Variants in ITPR2 observed in about 807,000 individuals in gnomAD.
ITPR2 encodes the protein inositol 1,4,5-trisphosphate-gated calcium channel ITPR2.
ITPR2 carries 207 observed loss-of-function variants against 317.1 expected under a neutral mutation model. The observed-to-expected ratio is 0.65, with a 90% CI of 0.58 to 0.73. The LOEUF is 0.73. Among genes scored for constraint, ITPR2 ranks in the 30% least tolerant of loss-of-function variants. ITPR2 has a pLI of 0.00. For missense variants in ITPR2, 2,613 were observed against 3,284.0 expected, an observed-to-expected ratio of 0.80 and a Z score of 4.99; for synonymous variants, 1,156 against 1,149.1, an observed-to-expected ratio of 1.01 and a Z score of -0.12.
chr12:26,695,585 A>G, intron 10 of ITPR2, 21 bp downstream of exon 10: 1 of 1,597,730 alleles, frequency 6.3e-7, no homozygotes, highest in Admixed American at 1.7e-5. Flanking sequence ...GATTTGTTGG[A>G]GAAAAGCCAG....
chr12:26,800,566 G>A (rs1950539388), intron 1 of ITPR2, among the ~76,000 whole-genome samples: 1 of 152,222 alleles, frequency 6.6e-6, no homozygotes, highest in African/African-American at 2.4e-5. Flanking sequence ...AGTCTGAGTT[G>A]AGCCTGGGCA....
chr12:26,656,524 C>T lies in ITPR2; in HGVS notation c.2217G>A (p.Arg739=). The change falls in exon 19 of 57, where the codon AGG becomes AGA. Residue 739 remains arginine (R), a synonymous_variant. Coordinates refer to ENST00000381340, the MANE Select transcript of ITPR2 (RefSeq NM_002223.4). Reference sequence around the variant, plus strand: ...CCAGATACTGGCGATCCAAGCACATCCTTGCAAAGAGGTTTAGCTGGTACC... The same window carrying T: ...CCAGATACTGGCGATCCAAGCACATTCTTGCAAAGAGGTTTAGCTGGTACC... ...YYRYQLNLFA[R]MCLDRQYLAI... is the part of the protein sequence containing the mutation. 6.2e-7 allele frequency: 1 copy of T among 1,614,162 alleles called. No homozygotes were observed. Among genetic ancestry groups the T allele is most frequent in the Non-Finnish European group, 8.5e-7 (1 of 1,180,030 alleles).
chr12:26,437,878 T>C (rs1022090631), intron 47 of ITPR2, among the ~76,000 whole-genome samples: 21 of 152,312 alleles, frequency 1.4e-4, no homozygotes, highest in African/African-American at 4.8e-4. Flanking sequence ...CTCGGCTCAC[T>C]GCAACCTCTG....
At chr12:26,535,054 AT>A (rs1184757191) in intron 37 of ITPR2, among the ~76,000 whole-genome samples, 1 of 152,204 alleles carries the variant, frequency 6.6e-6, no homozygotes, top group Non-Finnish European at 1.5e-5. Flanking sequence ...CCATAAATAA[AT>A]GATATGTGTA....
At chr12:26,690,719 A>C (rs1948223185) in intron 10 of ITPR2, among the ~76,000 whole-genome samples, 1 of 152,190 alleles carries the variant, frequency 6.6e-6, no homozygotes, top group African/African-American at 2.4e-5. Flanking sequence ...TAAAGGCCCA[A>C]CAAGAGTAGT....
chr12:26,413,528 G>A (rs988119437), intron 51 of ITPR2, among the ~76,000 whole-genome samples: 7 of 152,144 alleles, frequency 4.6e-5, no homozygotes, highest in East Asian at 1.9e-4. Flanking sequence ...GACAATATGC[G>A]GCATTAGAAA....
At chr12:26,714,980 C>T (rs1379663261) in intron 8 of ITPR2, among the ~76,000 whole-genome samples, 1 of 152,124 alleles carries the variant, frequency 6.6e-6, no homozygotes, top group East Asian at 1.9e-4. Flanking sequence ...ACATGGTCTT[C>T]AGTCTAACTA....
chr12:26,555,644 G>A (rs6487561), intron 36 of ITPR2, among the ~76,000 whole-genome samples: 9,940 of 152,164 alleles, frequency 0.065, 417 homozygotes, highest in African/African-American at 0.11. Flanking sequence ...TACCACAAAC[G>A]CTAAGAAACA....
intron 8 of ITPR2, 68 bp downstream of exon 8, chr12:26,715,231 C>T: frequency 7.2e-7 from 1 of 1,379,848 alleles, no homozygotes; most frequent in Non-Finnish European, 1.0e-6. Context: ...AACAATAAAA[C>T]AACAAGCCCA....
At chr12:26,456,661 C>T (rs571408900) in intron 45 of ITPR2, among the ~76,000 whole-genome samples, 1 of 152,128 alleles carries the variant, frequency 6.6e-6, no homozygotes, top group African/African-American at 2.4e-5. Flanking sequence ...TGGATCAGGA[C>T]CCCTTTCTAG....
chr12:26,754,533 C>G (rs552587461), intron 2 of ITPR2, among the ~76,000 whole-genome samples: 1 of 152,114 alleles, frequency 6.6e-6, no homozygotes, highest in African/African-American at 2.4e-5. Context: ...GTTTTACATG[C>G]GAGGTGTATA....
In ITPR2 at chr12:26,711,338, T is replaced by A. The variant is rs1404250081; in HGVS notation, c.856-70A>T. 6.0e-6 allele frequency: 6 copies of A among 998,184 alleles called. No individual in the cohort carries two copies. The African/African-American group carries it at 6.3e-5, about 11-fold the overall frequency. The allele number at this position is 998,184 out of a possible 1,614,324, so 61.8% of individuals were successfully genotyped here. Reference sequence around the variant, plus strand: ...TCCTGGCAAGCAAACACCAACAGTTTACATGCCTGCCCTCCTGTTAATACT... The same window carrying A: ...TCCTGGCAAGCAAACACCAACAGTTAACATGCCTGCCCTCCTGTTAATACT... On this transcript the variant is annotated intron_variant, in intron 8 of 56. Transcript: ENST00000381340.
intron 13 of ITPR2, among the ~76,000 whole-genome samples, chr12:26,674,778 A>C (rs1281501923): frequency 6.6e-6 from 1 of 152,200 alleles, no homozygotes. Context: ...AATGGGAGAA[A>C]ATTTTCGCAA....
In ITPR2 at chr12:26,359,603, A is replaced by T. The variant is rs184738532; in HGVS notation, c.7858-19275T>A. On this transcript the variant is annotated intron_variant, in intron 55 of 56. Transcript: ENST00000381340. Reference sequence around the variant, plus strand: ...AGTGCAATGCTTTTCTCTTGTGGGGAAAAAAAAAGCTAATATTTAGAACAT... The same window carrying T: ...AGTGCAATGCTTTTCTCTTGTGGGGTAAAAAAAAGCTAATATTTAGAACAT... 6.4e-5 allele frequency among the ~76,000 whole-genome samples: 5 copies of T among 78,246 alleles called. No homozygotes were observed. The East Asian group carries it at 6.0e-3, about 93-fold the overall frequency. 51.3% of individuals were successfully genotyped at this position (78,246 alleles called of 152,430 possible). A position where few individuals can be genotyped will look rare whatever the true frequency, so the allele number is the denominator to read the frequency against.
At chr12:26,557,618 T>C (rs755669688) in intron 35 of ITPR2, among the ~76,000 whole-genome samples, 26 of 152,134 alleles carry the variant, frequency 1.7e-4, no homozygotes, top group Non-Finnish European at 3.4e-4. Context: ...CTACAGACCT[T>C]TGGTTTTAGG....
intron 1 of ITPR2, among the ~76,000 whole-genome samples, chr12:26,814,618 A>C (rs1167250250): frequency 6.6e-6 from 1 of 152,224 alleles, no homozygotes; most frequent in Non-Finnish European, 1.5e-5. Flanking sequence ...ATTTTCTCAC[A>C]GAGAAATTTT....
Position 26,622,374 on chromosome 12 carries a change from C to T in ITPR2, c.3154G>A (p.Glu1052Lys). ...KEKNPVQLDD[E>K]GGRTFLRVLI... is the part of the protein sequence containing the mutation. ...ACCCGTAAAAACGTCCTGCCTCCTT[C>T]ATCGTCAAGTTGAACTGGATTTTTT... The change falls in exon 25 of 57, where the codon GAA (glutamate) becomes AAA (lysine). Residue 1052 changes from glutamate to lysine, a missense_variant. Coordinates refer to ENST00000381340, the MANE Select transcript of ITPR2 (RefSeq NM_002223.4). The T allele has an allele frequency of 6.2e-7, 1 of 1,607,774 alleles. No homozygotes were observed.
intron 45 of ITPR2, among the ~76,000 whole-genome samples, chr12:26,471,299 G>T (rs1194101077): frequency 2.0e-5 from 3 of 152,140 alleles, no homozygotes; most frequent in Non-Finnish European, 4.4e-5. Flanking sequence ...ATATATATTG[G>T]ACATACACAA....
intron 45 of ITPR2, among the ~76,000 whole-genome samples, chr12:26,450,816 A>C (rs979910703): frequency 1.3e-5 from 2 of 152,158 alleles, no homozygotes; most frequent in Admixed American, 6.5e-5. Flanking sequence ...AGTTGTTTCC[A>C]GAGGGGTTGA....
Sources: allele counts gnomAD v4.1 joint callset (sites outside exome capture counted in the v4.1 genomes callset), GRCh38; gene constraint gnomAD v4.1.1; transcripts MANE v1.5; gene names NCBI Gene and HGNC (gene_info 2026-07-23, HGNC 2026-07-21).